Variants in SNX19 observed in about 807,000 individuals in gnomAD.
The protein encoded by SNX19 is sorting nexin-19.
In SNX19, 60 loss-of-function variants were observed where a neutral mutation model predicts 85.2. The ratio of observed to expected loss-of-function variants is 0.70; its 90% CI spans 0.57 to 0.87. The LOEUF is 0.87. Among genes scored for constraint, SNX19 ranks in the 40% least tolerant of loss-of-function variants. The pLI is 0.00. For synonymous variants in SNX19, 520 were observed against 470.0 expected, an observed-to-expected ratio of 1.11 and a Z score of -1.38; for missense variants, 1,201 against 1,217.8, an observed-to-expected ratio of 0.99 and a Z score of 0.21.
At position 130,915,887 on chromosome 11, in the gene SNX19, C is replaced by A. The variant is rs1946553166; in HGVS notation, c.53G>T (p.Cys18Phe). 6.2e-7 allele frequency: 1 copy of A among 1,614,018 alleles called. No individual in the cohort carries two copies. The highest frequency in any genetic ancestry group is 1.1e-5 in the South Asian group (1 of 91,088). The change falls in exon 1 of 11, where the codon TGT becomes TTT. Residue 18 changes from cysteine to phenylalanine, a missense_variant. By Grantham distance (205) the Cys-to-Phe change is radical (BLOSUM62 -2). This residue lies in a region of SNX19 where 791 missense variants were observed against 750.9 expected (regional missense o/e 1.05). Coordinates refer to ENST00000265909, the MANE Select transcript of SNX19 (RefSeq NM_014758.3). The stretch of plus-strand genomic sequence containing the variant: ...GCTACTCAACAGGTTATTGAGGTGA[C>A]AGCTCGATCCAGCTGGAGTTTCCTG... ...PFQETPAGSS[C>F]HLNNLLSSRK...
chr11:130,875,224 G>A lies in SNX19; in HGVS notation c.*3198C>T, dbSNP rs574858855. 2.0e-5 allele frequency among the ~76,000 whole-genome samples: 3 copies of A among 152,306 alleles called. No individual in the cohort carries two copies. The highest frequency in any genetic ancestry group is 1.3e-4 in the Admixed American group (2 of 15,298). ...TGCTGTAACGTGGATGAACCTGGAG[G>A]ACATTATGCTAAGTGAAATAAGCCA... On this transcript the variant is annotated 3_prime_UTR_variant, in exon 11 of 11. Coordinates refer to ENST00000265909, the MANE Select transcript of SNX19 (RefSeq NM_014758.3).
chr11:130,898,563 G>T (rs1945037908), intron 8 of SNX19, among the ~76,000 whole-genome samples: 2 of 152,182 alleles, frequency 1.3e-5, no homozygotes, highest in Admixed American at 1.3e-4. Flanking sequence ...CTCCTAGGCA[G>T]CAGTCATGGG....
At chr11:130,897,302 CT>C (rs1565528814) in intron 8 of SNX19, among the ~76,000 whole-genome samples, 1 of 152,074 alleles carries the variant, frequency 6.6e-6, no homozygotes, top group Admixed American at 6.6e-5. Context: ...ACCTTTCCCC[CT>C]GGCTTTCTGC....
At position 130,867,394 on chromosome 11, in the gene SNX19, T is replaced by A. The variant is rs980784000; in HGVS notation, c.*11028A>T. The A allele has an allele frequency of 3.9e-5, 6 of 152,190 alleles. No individual in the cohort carries two copies. Among genetic ancestry groups the A allele is most frequent in the Non-Finnish European group, 7.3e-5 (5 of 68,046 alleles). 9.4% of individuals were successfully genotyped at this position (152,190 alleles called of 1,614,324 possible). A position where few individuals can be genotyped will look rare whatever the true frequency, so the allele number is the denominator to read the frequency against. ...CATGAACATAAAAGTGCAACCTAGATGATCAGTGCCACCACCATCCTGGGA... is the reference window on the plus strand; with the variant it reads ...CATGAACATAAAAGTGCAACCTAGAAGATCAGTGCCACCACCATCCTGGGA... On this transcript the variant is annotated 3_prime_UTR_variant, in exon 11 of 11. Coordinates refer to ENST00000265909, the MANE Select transcript of SNX19 (RefSeq NM_014758.3).
intron 10 of SNX19, among the ~76,000 whole-genome samples, 191 bp downstream of exon 10, chr11:130,879,433 A>C (rs956965014): frequency 2.1e-5 from 3 of 140,922 alleles, no homozygotes; most frequent in Non-Finnish European, 4.6e-5. Context: ...CCTGCTCAGA[A>C]GCCTGATGGT....
chr11:130,898,291 C>G (rs893918438), intron 8 of SNX19, among the ~76,000 whole-genome samples: 6 of 152,028 alleles, frequency 3.9e-5, no homozygotes, highest in African/African-American at 1.5e-4. Flanking sequence ...AATAAACTTG[C>G]CTGCTTGGGG....
intron 8 of SNX19, among the ~76,000 whole-genome samples, chr11:130,890,742 G>A (rs1475787344): frequency 1.3e-5 from 2 of 151,974 alleles, no homozygotes; most frequent in African/African-American, 4.8e-5. Flanking sequence ...TCTACTATAA[G>A]CCTTCCCTGC....
rs1309558027 is a variant in SNX19, at chr11:130,876,432, T to C, written c.*1990A>G. 1.3e-5 allele frequency: 2 copies of C among 152,656 alleles called. No individual in the cohort carries two copies. The highest frequency in any genetic ancestry group is 2.9e-5 in the Non-Finnish European group (2 of 68,028). The allele number at this position is 152,656 out of a possible 1,614,324, so 9.5% of individuals were successfully genotyped here. On this transcript the variant is annotated 3_prime_UTR_variant, in exon 11 of 11. Coordinates refer to ENST00000265909, the MANE Select transcript of SNX19 (RefSeq NM_014758.3). ...TGGAGTAGAGGTGGGGACTCTTATA[T>C]AATACGAAATAAAAATAAGTTCTTT...
rs144801990 is a variant in SNX19, at chr11:130,910,074, T to C, written c.1978A>G (p.Thr660Ala). ...TTGACAAAGGCAATACGAGCATCTGTGTTCAGAGCAAGGAACTCCTGCACC... is the reference window on the plus strand; with the variant it reads ...TTGACAAAGGCAATACGAGCATCTGCGTTCAGAGCAAGGAACTCCTGCACC... ...EEVQEFLALNTDARIAFVKKP... is the reference protein window; with the variant it reads ...EEVQEFLALNADARIAFVKKP... The change falls in exon 4 of 11, where the codon ACA becomes GCA. Residue 660 changes from threonine (T) to alanine (A), a missense_variant. This residue lies in a region of SNX19 where 125 missense variants were observed against 171.6 expected (regional missense o/e 0.73). Coordinates refer to ENST00000265909, the MANE Select transcript of SNX19 (RefSeq NM_014758.3). 2.5e-6 allele frequency: 4 copies of C among 1,614,048 alleles called. No individual in the cohort carries two copies. The highest frequency in any genetic ancestry group is 3.4e-6 in the Non-Finnish European group (4 of 1,180,052).
chr11:130,908,513 G>A (rs1945847546), intron 4 of SNX19, among the ~76,000 whole-genome samples: 1 of 152,190 alleles, frequency 6.6e-6, no homozygotes, highest in South Asian at 2.1e-4. Context: ...AAGTGAAGAA[G>A]ATGATCAAAA....
chr11:130,883,220 T>C (rs11222374), intron 8 of SNX19, among the ~76,000 whole-genome samples: 20,191 of 152,004 alleles, frequency 0.13, 2,265 homozygotes, highest in African/African-American at 0.31. Flanking sequence ...GGGAGAGACA[T>C]AAAAGTAGGA....
chr11:130,912,299 TA>T (rs1473992713), intron 1 of SNX19, among the ~76,000 whole-genome samples: 1 of 152,232 alleles, frequency 6.6e-6, no homozygotes, highest in African/African-American at 2.4e-5. Flanking sequence ...TTCTTAGAGC[TA>T]AACTGAATTT....
rs1438842441 is a variant in SNX19 at position 130,915,173 on chromosome 11, TC to T, written c.766del (p.Asp256IlefsTer38). 6.2e-7 allele frequency: 1 copy of T among 1,614,186 alleles called. No individual in the cohort carries two copies. The highest frequency in any genetic ancestry group is 2.2e-5 in the East Asian group (1 of 44,870). ...GAGTACAAGGTGGATCCAGTCAGGA[TC>T]TGACAGCCTGCTGATCAGTGGTAAG... ...VILPLISRLS[D>X]PDWIHLVLVG... On this transcript the variant is annotated frameshift_variant, in exon 1 of 11. Coordinates refer to ENST00000265909, the MANE Select transcript of SNX19 (RefSeq NM_014758.3). LOFTEE classifies it high-confidence loss of function.
chr11:130,890,984 A>G (rs528252702), intron 8 of SNX19, among the ~76,000 whole-genome samples: 1 of 151,646 alleles, frequency 6.6e-6, no homozygotes, highest in South Asian at 2.1e-4. Flanking sequence ...TTCATGCTGT[A>G]TATGGGACAA....
In SNX19 at chr11:130,878,506, G is replaced by C; in HGVS notation, c.2895C>G (p.Leu965=). The change falls in exon 11 of 11, where the codon CTC becomes CTG. Residue 965 remains leucine, a synonymous_variant. Transcript: ENST00000265909. ...LGDIILEFLD[L]SASVEESAAT... ...CAGCAGACTCCTCAACAGAGGCACT[G>C]AGATCCAAGAATTCCAGGATGATGT... is the stretch of plus-strand genomic sequence containing the variant. 6.2e-7 allele frequency: 1 copy of C among 1,613,874 alleles called. No individual in the cohort carries two copies. The highest frequency in any genetic ancestry group is 8.5e-7 in the Non-Finnish European group (1 of 1,179,886).
At chr11:130,882,462 C>T (rs1453940482) in intron 8 of SNX19, among the ~76,000 whole-genome samples, 1 of 152,242 alleles carries the variant, frequency 6.6e-6, no homozygotes. Flanking sequence ...GGCTGCAATC[C>T]CCCAAGCCCA....
chr11:130,910,769 G>A (rs1946043795), intron 2 of SNX19, among the ~76,000 whole-genome samples: 1 of 152,152 alleles, frequency 6.6e-6, no homozygotes, highest in Non-Finnish European at 1.5e-5. Context: ...TTCAAGCTTG[G>A]CTCAGTATTA....
In SNX19 at chr11:130,908,034, G is replaced by A. The variant is rs375635584; in HGVS notation, c.2084C>T (p.Ser695Phe). Residue 695 changes from serine (S) to phenylalanine (F), a missense_variant, in exon 5 of 11, where the codon TCT becomes TTT. Ser to Phe is a radical substitution (Grantham distance 155). Around this residue, in one of 3 missense-constraint regions of SNX19, gnomAD observed 125 missense variants for 171.6 expected, o/e 0.73. Coordinates refer to ENST00000265909, the MANE Select transcript of SNX19 (RefSeq NM_014758.3). ...CTCCTCTGTGGGGCTCTGGGGTTCA[G>A]AGCGAGGAAACGCTGTCTTCAAGGT... ...VDTLKTAFPR[S>F]EPQSPTEELS... 1.9e-6 allele frequency: 3 copies of A among 1,614,172 alleles called. No individual in the cohort carries two copies. Among genetic ancestry groups the A allele is most frequent in the Non-Finnish European group, 2.5e-6 (3 of 1,180,044 alleles).
intron 7 of SNX19, among the ~76,000 whole-genome samples, chr11:130,903,674 T>A (rs1006216057): frequency 6.7e-6 from 1 of 149,178 alleles, no homozygotes; most frequent in Non-Finnish European, 1.5e-5. Flanking sequence ...ATCTGCTAAA[T>A]ATATATATGT....
Sources: allele counts gnomAD v4.1 joint callset (sites outside exome capture counted in the v4.1 genomes callset), GRCh38; gene constraint gnomAD v4.1.1; regional missense constraint gnomAD v4.1.1; transcripts MANE v1.5; gene names NCBI Gene and HGNC (gene_info 2026-07-23, HGNC 2026-07-21).